CCDC180: variants seen among roughly 807,000 people sequenced by gnomAD.
CCDC180 encodes the protein coiled-coil domain containing 180.
A neutral mutation model predicts 209.2 loss-of-function variants in CCDC180; 154 were observed. The ratio of observed to expected loss-of-function variants is 0.74; its 90% confidence interval spans 0.65 to 0.84. CCDC180 has a LOEUF of 0.84. CCDC180 is among the 40% of genes least tolerant of loss of function. CCDC180 has a pLI of 0.00. For synonymous variants in CCDC180, 778 were observed against 749.1 expected, an observed-to-expected ratio of 1.04 and a Z score of -0.63; for missense variants, 1,874 against 1,997.3, an observed-to-expected ratio of 0.94 and a Z score of 1.18.
chr9:97,373,033 C>T (rs1484723878), intron 34 of CCDC180: 1 of 152,140 alleles, frequency 6.6e-6, no homozygotes, highest in Non-Finnish European at 1.5e-5. Context: ...TGTCTGTGAT[C>T]CCATCTTTTA....
In CCDC180 at chr9:97,326,646, T is replaced by C; in HGVS notation, c.1638T>C (p.Asp546=). The change falls in exon 15 of 37, where the codon GAT becomes GAC. Residue 546 remains aspartate, a synonymous_variant. Coordinates refer to ENST00000529487, the MANE Select transcript of CCDC180 (RefSeq NM_020893.6). ...CGTTTCACCTGGAAAAGGTCAAAGATTATCTGAAGAACATGAAATCCAGGT... is the reference window on the plus strand; with the variant it reads ...CGTTTCACCTGGAAAAGGTCAAAGACTATCTGAAGAACATGAAATCCAGGT... The part of the protein sequence containing the change: ...TLAFHLEKVK[D]YLKNMKSRYE... The C allele has an allele frequency of 6.2e-7, 1 of 1,611,218 alleles. No individual in the cohort carries two copies. The highest frequency in any genetic ancestry group is 8.5e-7 in the Non-Finnish European group (1 of 1,177,496).
At chr9:97,342,215 G>T (rs1826106663) in intron 18 of CCDC180, among the ~76,000 whole-genome samples, 1 of 152,200 alleles carries the variant, frequency 6.6e-6, no homozygotes, top group South Asian at 2.1e-4. Flanking sequence ...AGGTGAACCA[G>T]GTACCTCAGT....
intron 18 of CCDC180, among the ~76,000 whole-genome samples, chr9:97,341,976 T>C (rs900439790): frequency 1.1e-4 from 16 of 152,232 alleles, no homozygotes; most frequent in African/African-American, 3.9e-4. Context: ...TGGGACCTGC[T>C]GAGCCAGGTG....
chr9:97,337,440 G>A (rs1825942789), intron 18 of CCDC180, among the ~76,000 whole-genome samples: 1 of 152,098 alleles, frequency 6.6e-6, no homozygotes, highest in Non-Finnish European at 1.5e-5. Flanking sequence ...TTTGTCTTTG[G>A]TTCTGTTTAT....
intron 16 of CCDC180, 26 bp from the exon 17 acceptor site, chr9:97,330,128 C>A: frequency 6.4e-7 from 1 of 1,562,098 alleles, no homozygotes; most frequent in Non-Finnish European, 8.8e-7. Context: ...GCAGGTCCTT[C>A]AGTGACTCTT....
chr9:97,340,542 A>G (rs947954472), intron 18 of CCDC180, among the ~76,000 whole-genome samples: 3 of 152,360 alleles, frequency 2.0e-5, no homozygotes, highest in South Asian at 2.1e-4. Flanking sequence ...CCAATATTAT[A>G]ATAATCCTCG....
intron 19 of CCDC180, 56 bp downstream of exon 19, chr9:97,343,619 T>C: frequency 2.4e-6 from 3 of 1,259,658 alleles, no homozygotes; most frequent in South Asian, 2.9e-5. Flanking sequence ...GTAAACAAGG[T>C]GAAATATTAA....
At position 97,376,743 on chromosome 9, in the gene CCDC180, T is replaced by A. The variant is rs767707278; in HGVS notation, c.4843-20T>A. On this transcript the variant is annotated intron_variant, in intron 36 of 36. Transcript: ENST00000529487. ...AGATGTCTCTCCTCATGTGGACCCC[T>A]CCTGCTACCTTCCTTCTAGAAATAT... 6.2e-7 allele frequency: 1 copy of A among 1,609,636 alleles called. No individual in the cohort carries two copies. The highest frequency in any genetic ancestry group is 8.5e-7 in the Non-Finnish European group (1 of 1,178,240).
At chr9:97,352,750 CAT>C (rs1405322946) in intron 22 of CCDC180, among the ~76,000 whole-genome samples, 3 of 152,084 alleles carry the variant, frequency 2.0e-5, no homozygotes, top group Non-Finnish European at 4.4e-5. Flanking sequence ...TATAATTTGA[CAT>C]GTTAATCATC....
chr9:97,357,140 G>A (rs750220039), intron 24 of CCDC180, among the ~76,000 whole-genome samples: 4 of 152,210 alleles, frequency 2.6e-5, no homozygotes, highest in Admixed American at 6.5e-5. Context: ...TGCATCCTTC[G>A]GACGCCTCCT....
At position 97,347,385 on chromosome 9, in the gene CCDC180, T is replaced by C; in HGVS notation, c.2570T>C (p.Val857Ala). Residue 857 changes from valine to alanine, a missense_variant, in exon 20 of 37, where the codon GTG (valine) becomes GCG (alanine). Val to Ala is a moderately conservative substitution (Grantham distance 64, BLOSUM62 0). Transcript: ENST00000529487. ...DQCSLNTRVT[V>A]ATKINELDSE... is the part of the protein sequence containing the mutation. ...TGTTCCCTCAACACCCGGGTCACCG[T>C]GGCCACCAAAATCAATGAGCTGGAT... 2 of 1,536,142 alleles carry C rather than the reference T, an allele frequency of 1.3e-6. No individual in the cohort carries two copies. The highest frequency in any genetic ancestry group is 1.7e-6 in the Non-Finnish European group (2 of 1,146,910).
intron 19 of CCDC180, among the ~76,000 whole-genome samples, chr9:97,344,242 T>A (rs972972119): frequency 6.6e-6 from 1 of 152,192 alleles, no homozygotes; most frequent in African/African-American, 2.4e-5. Context: ...TACAATGTCA[T>A]AGGAGGGCTC....
intron 8 of CCDC180, among the ~76,000 whole-genome samples, chr9:97,316,083 G>A (rs1833163344): frequency 6.6e-6 from 1 of 152,208 alleles, no homozygotes; most frequent in Non-Finnish European, 1.5e-5. Context: ...TGTCTTCTGA[G>A]ATCAGCGAGG....
chr9:97,326,555 T>G lies in CCDC180; in HGVS notation c.1547T>G (p.Val516Gly). The G allele has an allele frequency of 5.6e-6, 9 of 1,600,496 alleles. No homozygotes were observed. Among genetic ancestry groups the G allele is most frequent in the Non-Finnish European group, 7.7e-6 (9 of 1,167,680 alleles). Residue 516 changes from valine (V) to glycine (G), a missense_variant and splice_region_variant, in exon 15 of 37, where the codon GTG becomes GGG. By Grantham distance (109) the Val-to-Gly change is moderately radical. Transcript: ENST00000529487. ...HRQKHSLESQ[V>G]QEAHLDRLLD... Reference sequence around the variant, plus strand: ...TCTTGTTTTGGGGGTGGCTTCCAGGTGCAGGAGGCCCACCTCGATAGGCTC... The same window carrying G: ...TCTTGTTTTGGGGGTGGCTTCCAGGGGCAGGAGGCCCACCTCGATAGGCTC...
intron 9 of CCDC180, among the ~76,000 whole-genome samples, chr9:97,317,452 C>T (rs1833214886): frequency 6.6e-6 from 1 of 152,212 alleles, no homozygotes; most frequent in African/African-American, 2.4e-5. Context: ...TATTTTCTCC[C>T]AGGCTCTTTT....
At chr9:97,317,263 A>AC (rs1181172148) in intron 9 of CCDC180, 35 bp downstream of exon 9, 1 of 1,485,836 alleles carries the variant, frequency 6.7e-7, no homozygotes, top group Non-Finnish European at 9.0e-7. Flanking sequence ...TCTCCAGCCC[A>AC]CCAGGGGGGC....
chr9:97,330,219 A>C, intron 17 of CCDC180, 26 bp downstream of exon 17: 1 of 1,613,562 alleles, frequency 6.2e-7, no homozygotes. Context: ...TTCAAGTTTT[A>C]TTCTCCCAGA....
rs1408969421 is a variant in CCDC180, at chr9:97,375,490, C to G, written c.4743C>G (p.Ile1581Met). Residue 1581 changes from isoleucine (I) to methionine (M), a missense_variant, in exon 36 of 37, where the codon ATC (isoleucine) becomes ATG (methionine). By Grantham distance (10) the Ile-to-Met change is conservative. Transcript: ENST00000529487. ...WPGIKPTEVTIQNKILLQPTS... is the reference protein window; with the variant it reads ...WPGIKPTEVTMQNKILLQPTS... ...GGATCAAACCCACCGAAGTCACCAT[C>G]CAAAACAAGATTCTTCTCCAGCCAA... is the stretch of plus-strand genomic sequence containing the variant. 2 of 1,614,086 alleles carry G rather than the reference C, an allele frequency of 1.2e-6. No individual in the cohort carries two copies. Among genetic ancestry groups the G allele is most frequent in the Non-Finnish European group, 1.7e-6 (2 of 1,180,054 alleles).
chr9:97,310,057 G>C (rs947430408), intron 3 of CCDC180, among the ~76,000 whole-genome samples: 2 of 152,232 alleles, frequency 1.3e-5, no homozygotes, highest in African/African-American at 4.8e-5. Context: ...AATGGACCCT[G>C]AGAGAGGGCA....
Sources: allele counts gnomAD v4.1 joint callset (sites outside exome capture counted in the v4.1 genomes callset), GRCh38; gene constraint gnomAD v4.1.1; transcripts MANE v1.5; gene names NCBI Gene and HGNC (gene_info 2026-07-23, HGNC 2026-07-21).